The following UNC5D variants were observed in gnomAD, a reference collection of about 807,000 sequenced individuals.
The protein encoded by UNC5D is netrin receptor UNC5D.
A neutral mutation model predicts 105.4 loss-of-function variants in UNC5D; 39 were observed. The observed-to-expected ratio is 0.37, with a 90% CI of 0.29 to 0.48. UNC5D has a LOEUF of 0.48. Among genes scored for constraint, UNC5D ranks in the 20% least tolerant of loss-of-function variants. UNC5D has a pLI of 0.98. For synonymous variants in UNC5D, 452 were observed against 450.4 expected (o/e 1.00, Z -0.04); for missense variants, 991 against 1,202.4 (o/e 0.82, Z 2.60).
chr8:35,770,072 G>T (rs997750058), intron 15 of UNC5D, among the ~76,000 whole-genome samples: 1 of 152,130 alleles, frequency 6.6e-6, no homozygotes, highest in Non-Finnish European at 1.5e-5. Flanking sequence ...ACCTGGGGAG[G>T]TGCAGGATAC....
At chr8:35,710,132 C>T (rs1389783518) in intron 8 of UNC5D, among the ~76,000 whole-genome samples, 1 of 152,032 alleles carries the variant, frequency 6.6e-6, no homozygotes, top group Non-Finnish European at 1.5e-5. Flanking sequence ...GGAGATCTAT[C>T]ACAATGACCT....
At position 35,371,586 on chromosome 8, in the gene UNC5D, T is replaced by C. The variant is rs1249982911; in HGVS notation, c.103+135699T>C. 7.2e-5 allele frequency among the ~76,000 whole-genome samples: 11 copies of C among 152,264 alleles called. 2 individuals carry two copies. In the South Asian group the frequency reaches 2.1e-3, roughly 29 times the overall value. On this transcript the variant is annotated intron_variant, in intron 1 of 16. Transcript: ENST00000404895. ...GGACTTGGCTGAGGACCTATTTTTT[T>C]CCTGATTTGGTAAGAAGAACTTGTA...
intron 1 of UNC5D, among the ~76,000 whole-genome samples, chr8:35,446,922 C>T (rs1041850536): frequency 2.6e-5 from 4 of 152,106 alleles, no homozygotes; most frequent in Admixed American, 2.6e-4. Flanking sequence ...TGTGCTTTCA[C>T]AAGCATGGAT....
In UNC5D at chr8:35,734,012, C is replaced by A. The variant is rs566550516; in HGVS notation, c.1766+2916C>A. Among the ~76,000 whole-genome samples the A allele has an allele frequency of 1.4e-3, 213 of 152,034 alleles. 1 individual carries two copies. The highest frequency in any genetic ancestry group is 9.1e-3 in the South Asian group (44 of 4,812). On this transcript the variant is annotated intron_variant, in intron 11 of 16. Coordinates refer to ENST00000404895, the MANE Select transcript of UNC5D (RefSeq NM_080872.4). ...TTTTTTTTTTCCTCCTTTAAAGTCACCCTGATGCCAGAACATTGCATTCAA... is the reference window on the plus strand; with the variant it reads ...TTTTTTTTTTCCTCCTTTAAAGTCAACCTGATGCCAGAACATTGCATTCAA...
chr8:35,355,448 A>G (rs1384240436), intron 1 of UNC5D, among the ~76,000 whole-genome samples: 1 of 152,100 alleles, frequency 6.6e-6, no homozygotes, highest in Non-Finnish European at 1.5e-5. Flanking sequence ...CTAGCAGCCT[A>G]TTATAATCTA....
Position 35,750,573 on chromosome 8 carries a change from T to C in UNC5D, c.1936-9T>C. ...CCAAGTGAGAGAATAAACATACCTTTCCCAACAGGAAGTGATGTCAGTGGA... is the reference window on the plus strand; with the variant it reads ...CCAAGTGAGAGAATAAACATACCTTCCCCAACAGGAAGTGATGTCAGTGGA... On this transcript the variant is annotated splice_polypyrimidine_tract_variant and intron_variant, in intron 12 of 16. Coordinates refer to ENST00000404895, the MANE Select transcript of UNC5D (RefSeq NM_080872.4). 1 of 1,613,734 alleles carries C rather than the reference T, an allele frequency of 6.2e-7. No individual in the cohort carries two copies. Among genetic ancestry groups the C allele is most frequent in the Admixed American group, 1.7e-5 (1 of 60,022 alleles).
chr8:35,356,809 G>A (rs1172267146), intron 1 of UNC5D, among the ~76,000 whole-genome samples: 1 of 152,026 alleles, frequency 6.6e-6, no homozygotes, highest in Admixed American at 6.6e-5. Flanking sequence ...GTGAGAGTCG[G>A]TCTGAGAACT....
intron 2 of UNC5D, among the ~76,000 whole-genome samples, chr8:35,557,022 T>C (rs1464805359): frequency 6.6e-6 from 1 of 152,176 alleles, no homozygotes; most frequent in East Asian, 1.9e-4. Context: ...ACTGCAGGAA[T>C]GGAAAGTCAT....
intron 12 of UNC5D, among the ~76,000 whole-genome samples, chr8:35,750,287 C>T (rs1206809920): frequency 2.2e-5 from 2 of 91,570 alleles, no homozygotes; most frequent in Non-Finnish European, 4.5e-5. Context: ...CGCCCCCCAA[C>T]CCCACCCCAC....
intron 1 of UNC5D, among the ~76,000 whole-genome samples, chr8:35,292,716 C>CTTTTTTTTT (rs35935733): frequency 8.1e-5 from 10 of 123,638 alleles, no homozygotes; most frequent in East Asian, 2.3e-4. Context: ...CTTTTTTTTC[C>CTTTTTTTTT]TTTTTTTTTT....
At chr8:35,251,554 C>A (rs72632800) in intron 1 of UNC5D, among the ~76,000 whole-genome samples, 1 of 152,108 alleles carries the variant, frequency 6.6e-6, no homozygotes, top group African/African-American at 2.4e-5. Context: ...GGGAGCTAGC[C>A]TTTTCTTGCT....
chr8:35,683,479 C>CA, intron 4 of UNC5D, 68 bp from the exon 5 acceptor site: 1 of 1,495,556 alleles, frequency 6.7e-7, no homozygotes. Context: ...CGAATCTGCT[C>CA]ACTTTTCAAT....
chr8:35,676,735 C>G (rs754520864), intron 4 of UNC5D, among the ~76,000 whole-genome samples: 4 of 152,080 alleles, frequency 2.6e-5, no homozygotes, highest in African/African-American at 9.7e-5. Context: ...AGCACATATG[C>G]ACCATAACAT....
intron 1 of UNC5D, among the ~76,000 whole-genome samples, chr8:35,249,411 A>T (rs1803529503): frequency 6.7e-6 from 1 of 150,162 alleles, no homozygotes. Flanking sequence ...TACAAAAATT[A>T]ACCAGGTGTG....
At chr8:35,787,688 G>C (rs1802811394) in intron 16 of UNC5D, among the ~76,000 whole-genome samples, 1 of 152,136 alleles carries the variant, frequency 6.6e-6, no homozygotes, top group Non-Finnish European at 1.5e-5. Flanking sequence ...TACAATCATA[G>C]CTCTCTGCAG....
chr8:35,758,967 G>T (rs1830635778), intron 13 of UNC5D, among the ~76,000 whole-genome samples: 1 of 152,142 alleles, frequency 6.6e-6, no homozygotes, highest in Non-Finnish European at 1.5e-5. Context: ...CCTTGATTGT[G>T]GTCAGAGAGT....
intron 16 of UNC5D, among the ~76,000 whole-genome samples, chr8:35,781,404 G>C (rs1247254411): frequency 6.6e-6 from 1 of 152,168 alleles, no homozygotes; most frequent in Non-Finnish European, 1.5e-5. Flanking sequence ...AGGGGATGCT[G>C]ACAAGGGGTG....
chr8:35,668,480 G>C (rs748180398), intron 4 of UNC5D, among the ~76,000 whole-genome samples: 37 of 151,914 alleles, frequency 2.4e-4, no homozygotes, highest in Non-Finnish European at 3.7e-4. Context: ...AGTCTTTATG[G>C]CTTCTCGTTT....
chr8:35,411,790 A>C (rs1216457057), intron 1 of UNC5D, among the ~76,000 whole-genome samples: 1 of 151,878 alleles, frequency 6.6e-6, no homozygotes, highest in Non-Finnish European at 1.5e-5. Flanking sequence ...AGGACTGTTT[A>C]ATTTTTTTTA....
Sources: allele counts gnomAD v4.1 joint callset (sites outside exome capture counted in the v4.1 genomes callset), GRCh38; gene constraint gnomAD v4.1.1; transcripts MANE v1.5; gene names NCBI Gene and HGNC (gene_info 2026-07-23, HGNC 2026-07-21).